EIPR1: variants seen among roughly 807,000 people sequenced by gnomAD.
EIPR1 encodes EARP and GARP complex-interacting protein 1.
In EIPR1, 25 loss-of-function variants were observed where a neutral mutation model predicts 48.1. The observed-to-expected ratio is 0.52, with a 90% CI of 0.38 to 0.73. The LOEUF (loss-of-function observed/expected upper bound fraction) is 0.73. Ranked by LOEUF, EIPR1 falls within the 30% of genes least tolerant of loss-of-function variation. The pLI, the probability that EIPR1 is intolerant of heterozygous loss-of-function variation, is 0.00. For missense variants in EIPR1, 415 were observed against 506.2 expected, an observed-to-expected ratio of 0.82 and a Z score of 1.73; for synonymous variants, 204 against 201.9, an observed-to-expected ratio of 1.01 and a Z score of -0.09.
At chr2:3,267,948 G>A (rs1014841145) in intron 3 of EIPR1, among the ~76,000 whole-genome samples, 4 of 152,232 alleles carry the variant, frequency 2.6e-5, no homozygotes, top group African/African-American at 9.6e-5. Context: ...ACCGTGCCCT[G>A]TGTAGCGCAC....
At chr2:3,270,263 A>G (rs1667665398) in intron 3 of EIPR1, among the ~76,000 whole-genome samples, 1 of 152,236 alleles carries the variant, frequency 6.6e-6, no homozygotes, top group Admixed American at 6.5e-5. Context: ...GCAGGGTCTC[A>G]GTTCCAAAGA....
In EIPR1 at chr2:3,305,470, A is replaced by G. The variant is rs188710470; in HGVS notation, c.259+32547T>C. Among the ~76,000 whole-genome samples, 850 of 86,004 alleles carry G rather than the reference A, an allele frequency of 9.9e-3. 5 individuals are homozygous for G. Among genetic ancestry groups the G allele is most frequent in the African/African-American group, 0.036 (797 of 21,954 alleles). The allele number at this position is 86,004 out of a possible 152,430, so 56.4% of individuals were successfully genotyped here. ...CAGCCCTCCAATCCCGTCCAGTTCA[A>G]CCCTCCACTCCCGTCAGTTCAGCCC... On this transcript the variant is annotated intron_variant, in intron 3 of 8. Transcript: ENST00000382125.
chr2:3,193,927 C>A, intron 7 of EIPR1, 72 bp downstream of exon 7: 1 of 1,547,956 alleles, frequency 6.5e-7, no homozygotes, highest in Non-Finnish European at 8.8e-7. Context: ...TGTGTCTTTC[C>A]CAATGGTAAA....
In EIPR1 at chr2:3,366,419, G is replaced by A. The variant is rs59545394; in HGVS notation, c.42+11229C>T. Among the ~76,000 whole-genome samples, 586 of 152,290 alleles carry A rather than the reference G, an allele frequency of 3.8e-3. 12 individuals carry two copies. The East Asian group carries it at 0.081, about 21-fold the overall frequency. On this transcript the variant is annotated intron_variant, in intron 1 of 8. Coordinates refer to ENST00000382125, the MANE Select transcript of EIPR1 (RefSeq NM_003310.5). ...GAAATTAAAACTTCCAGCACAGGAA[G>A]GAAGTCTGCAGTGGAAAGGACACAA...
At position 3,322,190 on chromosome 2, in the gene EIPR1, C is replaced by T. The variant is rs376273701; in HGVS notation, c.259+15827G>A. On this transcript the variant is annotated intron_variant, in intron 3 of 8. Transcript: ENST00000382125. ...CGTGGTGCCTTGGCTTTAGGGCTGA[C>T]GGTCACGGTGAGGTGATGGTCACGG... Among the ~76,000 whole-genome samples the T allele has an allele frequency of 3.9e-3, 599 of 152,248 alleles. 5 individuals are homozygous for T. Among genetic ancestry groups the T allele is most frequent in the African/African-American group, 0.014 (575 of 41,532 alleles).
intron 4 of EIPR1, among the ~76,000 whole-genome samples, chr2:3,242,457 C>T (rs1275036341): frequency 2.7e-5 from 3 of 110,120 alleles, no homozygotes; most frequent in Admixed American, 9.2e-5. Context: ...AGATTTCAGG[C>T]CCCCGACTCC....
At chr2:3,233,928 C>A (rs1052722317) in intron 4 of EIPR1, among the ~76,000 whole-genome samples, 1 of 152,198 alleles carries the variant, frequency 6.6e-6, no homozygotes, top group African/African-American at 2.4e-5. Flanking sequence ...CTATAAGGGG[C>A]TCAATGACAA....
chr2:3,227,742 T>G (rs1666110775), intron 4 of EIPR1, among the ~76,000 whole-genome samples: 2 of 152,248 alleles, frequency 1.3e-5, no homozygotes, highest in Non-Finnish European at 2.9e-5. Context: ...CCCTGCTCTG[T>G]GCAGCCTTGG....
chr2:3,333,950 G>A (rs1030328093), intron 3 of EIPR1, among the ~76,000 whole-genome samples: 56 of 152,074 alleles, frequency 3.7e-4, no homozygotes, highest in African/African-American at 1.2e-3. Flanking sequence ...CAGGGTGTGC[G>A]CCGAAAGGTG....
intron 3 of EIPR1, among the ~76,000 whole-genome samples, chr2:3,314,269 G>A (rs189256766): frequency 9.7e-4 from 147 of 152,228 alleles, no homozygotes; most frequent in African/African-American, 2.8e-3. Context: ...GATTGATTCC[G>A]GCTGCCGCTA....
At chr2:3,272,499 T>C (rs903272191) in intron 3 of EIPR1, among the ~76,000 whole-genome samples, 1 of 152,192 alleles carries the variant, frequency 6.6e-6, no homozygotes, top group African/African-American at 2.4e-5. Context: ...CTGACTTCAA[T>C]AACGTTGTTC....
chr2:3,242,699 G>A (rs536802174), intron 4 of EIPR1, among the ~76,000 whole-genome samples: 1 of 150,626 alleles, frequency 6.6e-6, no homozygotes, highest in South Asian at 2.1e-4. Flanking sequence ...GAAGCCTTAA[G>A]AAAGATATGT....
At chr2:3,345,661 T>C (rs1046727954) in intron 2 of EIPR1, among the ~76,000 whole-genome samples, 6 of 151,330 alleles carry the variant, frequency 4.0e-5, no homozygotes, top group African/African-American at 1.5e-4. Flanking sequence ...AATATGTATA[T>C]ATATAGTGAG....
chr2:3,364,119 T>C (rs1358133012), intron 1 of EIPR1, among the ~76,000 whole-genome samples: 1 of 152,124 alleles, frequency 6.6e-6, no homozygotes, highest in Non-Finnish European at 1.5e-5. Context: ...CTCAAAAAAC[T>C]AAAAATAGAG....
In EIPR1 at chr2:3,312,793, G is replaced by A. The variant is rs1225120040; in HGVS notation, c.259+25224C>T. ...CTCTGCTGGTCTGTGACATGAGCAC[G>A]TCATGGCCTGACCACCGCTGTGGGC... is the stretch of plus-strand genomic sequence containing the variant. On this transcript the variant is annotated intron_variant, in intron 3 of 8. Transcript: ENST00000382125. The surrounding 1 kb of genome is among the most constrained non-coding windows in gnomAD (Gnocchi z 5.5). Among the ~76,000 whole-genome samples the A allele has an allele frequency of 2.6e-5, 4 of 152,074 alleles. No homozygotes were observed. The highest frequency in any genetic ancestry group is 2.0e-4 in the Admixed American group (3 of 15,264).
chr2:3,208,723 G>C (rs1268940361), intron 5 of EIPR1: 2 of 1,548,580 alleles, frequency 1.3e-6, no homozygotes, highest in South Asian at 2.4e-5. Context: ...TCTTCCATGC[G>C]TGAGGCTCGT....
intron 3 of EIPR1, among the ~76,000 whole-genome samples, chr2:3,307,108 G>A (rs1040278654): frequency 2.6e-5 from 4 of 151,832 alleles, no homozygotes; most frequent in African/African-American, 4.8e-5. Context: ...GATTACAGGC[G>A]CCTGCCACCA....
At chr2:3,313,371 G>A (rs61409368) in intron 3 of EIPR1, among the ~76,000 whole-genome samples, 38,833 of 151,908 alleles carry the variant, frequency 0.26, 7,178 homozygotes, top group East Asian at 0.64. Flanking sequence ...AGTTAAAAAA[G>A]TGGGTGGGGG....
At chr2:3,304,897 A>G (rs74484320) in intron 3 of EIPR1, among the ~76,000 whole-genome samples, 1,121 of 50,098 alleles carry the variant, frequency 0.022, no homozygotes, top group African/African-American at 0.024. Flanking sequence ...GTCCAGTTCA[A>G]CCCTCCAATC....
Sources: allele counts gnomAD v4.1 joint callset (sites outside exome capture counted in the v4.1 genomes callset), GRCh38; gene constraint gnomAD v4.1.1; non-coding constraint Gnocchi (gnomAD v3.1); transcripts MANE v1.5; gene names NCBI Gene and HGNC (gene_info 2026-07-23, HGNC 2026-07-21).